The following LNX1 variants were observed in gnomAD, a reference collection of about 807,000 sequenced individuals.
LNX1 encodes the protein ligand of numb-protein X 1, also known as E3 ubiquitin-protein ligase LNX.
A neutral mutation model predicts 68.4 loss-of-function variants in LNX1; 54 were observed. The ratio of observed to expected loss-of-function variants is 0.79; its 90% CI spans 0.63 to 0.99. The LOEUF (loss-of-function observed/expected upper bound fraction) is 0.99. Ranked by LOEUF, LNX1 falls within the 50% of genes least tolerant of loss-of-function variation. The pLI is 0.00. For missense variants in LNX1, 906 were observed against 926.4 expected (o/e 0.98, Z 0.29); for synonymous variants, 336 against 350.0 (o/e 0.96, Z 0.45).
At chr4:53,588,813 T>C (rs905637667) in intron 1 of LNX1, among the ~76,000 whole-genome samples, 2 of 152,074 alleles carry the variant, frequency 1.3e-5, no homozygotes, top group Non-Finnish European at 2.9e-5. Context: ...TCTTGAATGA[T>C]GAAAATTTGT....
intron 2 of LNX1, 155 bp from the exon 3 acceptor site, chr4:53,508,382 C>T (rs894513783): frequency 6.8e-6 from 6 of 881,566 alleles, no homozygotes; most frequent in Admixed American, 5.7e-5. Flanking sequence ...CCTTTTCACA[C>T]ATCGGTACTC....
intron 2 of LNX1, among the ~76,000 whole-genome samples, chr4:53,614,050 C>A (rs925022881): frequency 6.6e-6 from 1 of 152,120 alleles, no homozygotes; most frequent in Non-Finnish European, 1.5e-5. Flanking sequence ...TTTTGATTTG[C>A]ATTTCTCTAA....
intron 1 of LNX1, among the ~76,000 whole-genome samples, chr4:53,581,454 T>G (rs1731833670): frequency 6.6e-6 from 1 of 152,184 alleles, no homozygotes; most frequent in Non-Finnish European, 1.5e-5. Flanking sequence ...ATTAGTCCAT[T>G]TTCATACTGC....
intron 2 of LNX1, among the ~76,000 whole-genome samples, chr4:53,570,515 G>C (rs1243930907): frequency 5.0e-5 from 6 of 120,472 alleles, no homozygotes; most frequent in Non-Finnish European, 6.8e-5. Flanking sequence ...GGACTGTTGT[G>C]GGGTGGGGGG....
chr4:53,564,268 G>A (rs1007079630), intron 2 of LNX1, among the ~76,000 whole-genome samples: 9 of 152,212 alleles, frequency 5.9e-5, no homozygotes, highest in Non-Finnish European at 1.3e-4. Flanking sequence ...TCAGGCAGCT[G>A]AGGGGCACCT....
intron 1 of LNX1, among the ~76,000 whole-genome samples, chr4:53,588,971 GT>G (rs1430314676): frequency 6.6e-6 from 1 of 152,184 alleles, no homozygotes; most frequent in East Asian, 1.9e-4. Flanking sequence ...TCCTTCTATG[GT>G]ACAATGAGGC....
chr4:53,474,041 C>T (rs933976265), intron 9 of LNX1, among the ~76,000 whole-genome samples: 1 of 152,110 alleles, frequency 6.6e-6, no homozygotes, highest in Non-Finnish European at 1.5e-5. Flanking sequence ...TGCTACTTAG[C>T]AGTGATGCAA....
chr4:53,478,838 C>A, intron 7 of LNX1, 96 bp from the exon 8 acceptor site: 3 of 1,133,734 alleles, frequency 2.6e-6, no homozygotes, highest in Non-Finnish European at 3.8e-6. Context: ...TTTCTAAATG[C>A]AAAAATTACC....
intron 1 of LNX1, among the ~76,000 whole-genome samples, chr4:53,649,168 TTCTG>T (rs1560707409): frequency 6.6e-6 from 1 of 152,222 alleles, no homozygotes; most frequent in Non-Finnish European, 1.5e-5. Flanking sequence ...TTGTTTAAAT[TTCTG>T]TCTTTTAATT....
chr4:53,598,467 A>C (rs1413101045), intron 2 of LNX1, among the ~76,000 whole-genome samples: 3 of 152,124 alleles, frequency 2.0e-5, no homozygotes, highest in African/African-American at 7.2e-5. Context: ...TCCTGGGCCC[A>C]AGCGATCCTC....
chr4:53,562,046 A>T (rs894254821), intron 2 of LNX1, among the ~76,000 whole-genome samples: 1 of 152,218 alleles, frequency 6.6e-6, no homozygotes, highest in African/African-American at 2.4e-5. Context: ...TAGAGGCAGA[A>T]ATCACAACTT....
At position 53,542,605 on chromosome 4, in the gene LNX1, G is replaced by A. The variant is rs542720580; in HGVS notation, c.380+31018C>T. On this transcript the variant is annotated intron_variant, in intron 2 of 10. Coordinates refer to ENST00000263925, the MANE Select transcript of LNX1 (RefSeq NM_001126328.3). ...ATGCCATAGAGGACAGAGGCAAGAG[G>A]AGGGAAAAAATAGGTTAGACATGGG... Among the ~76,000 whole-genome samples, 4 of 152,256 alleles carry A rather than the reference G, an allele frequency of 2.6e-5. No individual in the cohort carries two copies. The South Asian group carries it at 8.3e-4, about 32-fold the overall frequency.
intron 2 of LNX1, chr4:53,603,467 C>A (rs1414879455): frequency 2.0e-5 from 3 of 152,186 alleles, no homozygotes; most frequent in Non-Finnish European, 4.4e-5. Context: ...GCCGTTCTTG[C>A]ATTGGTATAA....
At chr4:53,505,031 A>G (rs1485102548) in intron 4 of LNX1, among the ~76,000 whole-genome samples, 1 of 152,220 alleles carries the variant, frequency 6.6e-6, no homozygotes, top group African/African-American at 2.4e-5. Context: ...GGAAAAATGG[A>G]GCAAACAGAC....
At chr4:53,575,905 C>G in intron 1 of LNX1, 1 of 1,573,660 alleles carries the variant, frequency 6.4e-7, no homozygotes, top group Non-Finnish European at 8.6e-7. Flanking sequence ...GGAGGACTGC[C>G]GAGAGGCTGT....
intron 4 of LNX1, among the ~76,000 whole-genome samples, chr4:53,502,934 CTTT>C (rs34766553): frequency 8.3e-5 from 12 of 144,006 alleles, no homozygotes; most frequent in Admixed American, 1.4e-4. Flanking sequence ...TTGGTCATAT[CTTT>C]TTTTTTTTTT....
In LNX1 at chr4:53,579,013, C is replaced by A. The variant is rs113935786; in HGVS notation, c.-86-4925G>T. Among the ~76,000 whole-genome samples the A allele has an allele frequency of 3.3e-3, 501 of 152,190 alleles. 5 individuals carry two copies. The highest frequency in any genetic ancestry group is 0.012 in the African/African-American group (480 of 41,506). ...TATCACGTTTTCAGACATATCAGAG[C>A]CTTGCTGCTGAATGGAGAAGAAATT... is the stretch of plus-strand genomic sequence containing the variant. On this transcript the variant is annotated intron_variant, in intron 1 of 10. Coordinates refer to ENST00000263925, the MANE Select transcript of LNX1 (RefSeq NM_001126328.3).
At chr4:53,638,327 T>C (rs1734557401) in intron 1 of LNX1, among the ~76,000 whole-genome samples, 1 of 152,228 alleles carries the variant, frequency 6.6e-6, no homozygotes, top group Non-Finnish European at 1.5e-5. Context: ...GACTGTACAA[T>C]ATAGGTATAG....
chr4:53,544,567 A>G (rs1451103776), intron 2 of LNX1, among the ~76,000 whole-genome samples: 2 of 152,190 alleles, frequency 1.3e-5, no homozygotes, highest in African/African-American at 4.8e-5. Flanking sequence ...ATCTGAGTAG[A>G]ACCCAAGGAG....
Sources: allele counts gnomAD v4.1 joint callset (sites outside exome capture counted in the v4.1 genomes callset), GRCh38; gene constraint gnomAD v4.1.1; transcripts MANE v1.5; gene names NCBI Gene and HGNC (gene_info 2026-07-23, HGNC 2026-07-21).